Variants in PLXDC2 observed in about 807,000 individuals in gnomAD.
PLXDC2 encodes plexin domain-containing protein 2.
A neutral mutation model predicts 68.9 loss-of-function variants in PLXDC2; 40 were observed. That is an observed-to-expected ratio of 0.58 (90% CI 0.45 to 0.76). The LOEUF (loss-of-function observed/expected upper bound fraction) is 0.76, where lower values mean the gene tolerates loss of function less well. PLXDC2 is among the 30% of genes least tolerant of loss of function. The pLI is 0.00. For synonymous variants in PLXDC2, 243 were observed against 234.2 expected (o/e 1.04, Z -0.34); for missense variants, 644 against 661.9 (o/e 0.97, Z 0.30).
At chr10:19,997,280 A>G (rs1019392437) in intron 1 of PLXDC2, among the ~76,000 whole-genome samples, 3 of 152,244 alleles carry the variant, frequency 2.0e-5, no homozygotes, top group Non-Finnish European at 4.4e-5. Flanking sequence ...TGGTTCTGCA[A>G]TGAATTGAGA....
At chr10:20,029,606 A>G (rs80146295) in intron 2 of PLXDC2, among the ~76,000 whole-genome samples, 2,538 of 152,280 alleles carry the variant, frequency 0.017, 76 homozygotes, top group African/African-American at 0.058. Context: ...TAAATAAAAA[A>G]AGAACAAATA....
intron 2 of PLXDC2, among the ~76,000 whole-genome samples, chr10:20,044,207 C>CTCTTTCTTTCTT (rs1564293827): frequency 2.3e-4 from 21 of 89,958 alleles, no homozygotes; most frequent in Admixed American, 1.2e-3. Flanking sequence ...CTCTCTCTCT[C>CTCTTTCTTTCTT]TCTGTCTTTC....
In PLXDC2 at chr10:19,945,432, T is replaced by A. The variant is rs142221221; in HGVS notation, c.113-56343T>A. 3.7e-4 allele frequency among the ~76,000 whole-genome samples: 56 copies of A among 152,320 alleles called. No individual in the cohort carries two copies. The East Asian group carries it at 0.011, about 29-fold the overall frequency. ...GGTATTCTTCCTGTCCTGCAAACCTTCAATTTGTTTGGAATTGGATACCAT... is the reference window on the plus strand; with the variant it reads ...GGTATTCTTCCTGTCCTGCAAACCTACAATTTGTTTGGAATTGGATACCAT... On this transcript the variant is annotated intron_variant, in intron 1 of 13. Coordinates refer to ENST00000377252, the MANE Select transcript of PLXDC2 (RefSeq NM_032812.9).
chr10:20,111,302 A>T (rs746316161), intron 4 of PLXDC2, among the ~76,000 whole-genome samples: 1 of 152,156 alleles, frequency 6.6e-6, no homozygotes, highest in African/African-American at 2.4e-5. Context: ...TAAATCCCTC[A>T]TGCCATTTGT....
At chr10:20,161,205 G>T (rs1165156437) in intron 6 of PLXDC2, among the ~76,000 whole-genome samples, 1 of 152,028 alleles carries the variant, frequency 6.6e-6, no homozygotes, top group African/African-American at 2.4e-5. Context: ...CAGCTTGCTG[G>T]TTCTACTGAT....
intron 9 of PLXDC2, among the ~76,000 whole-genome samples, chr10:20,189,808 A>T (rs1057282016): frequency 5.3e-5 from 8 of 151,554 alleles, no homozygotes; most frequent in African/African-American, 1.9e-4. Context: ...CTACTTATTA[A>T]TAATCTATTT....
intron 1 of PLXDC2, among the ~76,000 whole-genome samples, chr10:19,940,558 A>AAC (rs202037236): frequency 3.3e-5 from 5 of 151,882 alleles, no homozygotes; most frequent in African/African-American, 4.8e-5. Context: ...CAAAAAAAAA[A>AAC]AAACAAACAA....
At chr10:19,947,707 C>CTTTTTTT (rs34439585) in intron 1 of PLXDC2, among the ~76,000 whole-genome samples, 2 of 120,974 alleles carry the variant, frequency 1.7e-5, no homozygotes, top group South Asian at 2.8e-4. Context: ...TTCTTTCTTT[C>CTTTTTTT]TTTTTTTTTT....
intron 12 of PLXDC2, among the ~76,000 whole-genome samples, chr10:20,243,931 C>T (rs961370798): frequency 1.3e-5 from 2 of 152,004 alleles, no homozygotes; most frequent in East Asian, 1.9e-4. Context: ...TAGTGGCAAG[C>T]GCCTGTAATC....
chr10:20,188,904 G>A (rs1436825228), intron 9 of PLXDC2, among the ~76,000 whole-genome samples: 2 of 151,538 alleles, frequency 1.3e-5, no homozygotes, highest in Admixed American at 1.3e-4. Flanking sequence ...ATTTAAGGAG[G>A]TTCTAAAAAT....
intron 2 of PLXDC2, among the ~76,000 whole-genome samples, chr10:20,015,548 A>G (rs766734513): frequency 1.3e-5 from 2 of 152,218 alleles, no homozygotes; most frequent in Non-Finnish European, 2.9e-5. Flanking sequence ...ATTACAATCA[A>G]CATAAACTAA....
rs753993547 is a variant in PLXDC2, at chr10:20,001,779, G to T, written c.117G>T (p.Trp39Cys). 2 of 1,613,802 alleles carry T rather than the reference G, an allele frequency of 1.2e-6. No individual in the cohort carries two copies. Among genetic ancestry groups the T allele is most frequent in the Non-Finnish European group, 1.7e-6 (2 of 1,179,852 alleles). The change falls in exon 2 of 14, where the codon TGG (tryptophan) becomes TGT (cysteine). Residue 39 changes from tryptophan (W) to cysteine (C), a missense_variant. Trp to Cys is a radical substitution (Grantham distance 215, BLOSUM62 -2). Transcript: ENST00000377252. The stretch of plus-strand genomic sequence containing the variant: ...TTTTCTTTCTTTTTCAAACAGATTG[G>T]CAGTATGGAGTTACTCAGGCCTTCC... The part of the protein sequence containing the change: ...DGKPGDQILD[W>C]QYGVTQAFPH...
chr10:19,889,245 T>C (rs1837904197), intron 1 of PLXDC2, among the ~76,000 whole-genome samples: 1 of 152,082 alleles, frequency 6.6e-6, no homozygotes, highest in Non-Finnish European at 1.5e-5. Context: ...CAAATTCATA[T>C]GACAAGCTCT....
intron 1 of PLXDC2, among the ~76,000 whole-genome samples, chr10:19,899,351 A>G (rs1356747647): frequency 6.6e-6 from 1 of 152,224 alleles, no homozygotes; most frequent in African/African-American, 2.4e-5. Context: ...CCAACCAGGT[A>G]GTTTATGAAG....
chr10:20,038,406 G>A (rs1348867218), intron 2 of PLXDC2, among the ~76,000 whole-genome samples: 1 of 152,118 alleles, frequency 6.6e-6, no homozygotes, highest in African/African-American at 2.4e-5. Flanking sequence ...ACATGGAAAA[G>A]ATGTGCATAA....
At chr10:20,003,942 T>G (rs1554852318) in intron 2 of PLXDC2, among the ~76,000 whole-genome samples, 1 of 152,196 alleles carries the variant, frequency 6.6e-6, no homozygotes, top group Non-Finnish European at 1.5e-5. Context: ...ACGTACGGTC[T>G]GCTCATTGCG....
intron 1 of PLXDC2, among the ~76,000 whole-genome samples, chr10:19,851,186 A>G (rs1837111188): frequency 6.6e-6 from 1 of 152,210 alleles, no homozygotes; most frequent in South Asian, 2.1e-4. Context: ...AAATCTCAGG[A>G]AGATTGCTTT....
chr10:20,134,749 A>T (rs1166133644), intron 4 of PLXDC2, among the ~76,000 whole-genome samples: 1 of 151,852 alleles, frequency 6.6e-6, no homozygotes, highest in Non-Finnish European at 1.5e-5. Flanking sequence ...GCCTGGAGCC[A>T]TGGGGGCCAG....
At chr10:19,837,454 G>T (rs78231953) in intron 1 of PLXDC2, among the ~76,000 whole-genome samples, 294 of 151,326 alleles carry the variant, frequency 1.9e-3, no homozygotes, top group African/African-American at 6.9e-3. Flanking sequence ...GTATGTGTGT[G>T]TTGGTGGGCA....
Sources: allele counts gnomAD v4.1 joint callset (sites outside exome capture counted in the v4.1 genomes callset), GRCh38; gene constraint gnomAD v4.1.1; transcripts MANE v1.5; gene names NCBI Gene and HGNC (gene_info 2026-07-23, HGNC 2026-07-21).